The following ITPR2 variants were observed in gnomAD, a reference collection of about 807,000 sequenced individuals.
The protein encoded by ITPR2 is inositol 1,4,5-trisphosphate receptor type 2, also known as inositol 1,4,5-trisphosphate-gated calcium channel ITPR2.
ITPR2 carries 207 observed loss-of-function variants against 317.1 expected under a neutral mutation model. The ratio of observed to expected loss-of-function variants is 0.65; its 90% CI spans 0.58 to 0.73. The LOEUF is 0.73. Ranked by LOEUF, ITPR2 falls within the 30% of genes least tolerant of loss-of-function variation. The pLI is 0.00. For synonymous variants in ITPR2, 1,156 were observed against 1,149.1 expected, an observed-to-expected ratio of 1.01 and a Z score of -0.12; for missense variants, 2,613 against 3,284.0, an observed-to-expected ratio of 0.80 and a Z score of 4.99.
At chr12:26,579,499 T>A (rs1047082372) in intron 33 of ITPR2, among the ~76,000 whole-genome samples, 2 of 152,120 alleles carry the variant, frequency 1.3e-5, no homozygotes, top group African/African-American at 4.8e-5. Flanking sequence ...TGGCCTAATA[T>A]TACTTCATGT....
chr12:26,566,308 G>A (rs1188025155), intron 34 of ITPR2, among the ~76,000 whole-genome samples: 7 of 130,824 alleles, frequency 5.4e-5, no homozygotes, highest in Non-Finnish European at 8.2e-5. Context: ...GAGGGAGAGG[G>A]AAAAGAAGAG....
intron 13 of ITPR2, among the ~76,000 whole-genome samples, chr12:26,672,126 C>T (rs567762921): frequency 2.0e-5 from 3 of 152,292 alleles, no homozygotes; most frequent in South Asian, 2.1e-4. Context: ...CCACTGTCAA[C>T]ATTAGACAGA....
Position 26,340,080 on chromosome 12 carries a change from C to A in ITPR2, c.8019+87G>T, listed in dbSNP as rs564320480. 2.1e-4 allele frequency: 277 copies of A among 1,302,296 alleles called. 2 individuals carry two copies. The African/African-American group carries it at 3.4e-3, about 16-fold the overall frequency. 80.7% of individuals were successfully genotyped at this position (1,302,296 alleles called of 1,614,324 possible). ...GTTTGCAATTCTCTGTGGATAATGA[C>A]CTGGCTCCCTGGACCCTCTGTCTCC... On this transcript the variant is annotated intron_variant, in intron 56 of 56. Coordinates refer to ENST00000381340, the MANE Select transcript of ITPR2 (RefSeq NM_002223.4).
At chr12:26,556,150 A>C in intron 36 of ITPR2, 83 bp downstream of exon 36, 1 of 1,350,290 alleles carries the variant, frequency 7.4e-7, no homozygotes, top group East Asian at 2.5e-5. Flanking sequence ...CTGTCATTTT[A>C]TATCAGTGAA....
At chr12:26,493,651 T>C (rs1942861959) in intron 39 of ITPR2, among the ~76,000 whole-genome samples, 2 of 152,158 alleles carry the variant, frequency 1.3e-5, no homozygotes, top group Non-Finnish European at 2.9e-5. Context: ...ATTGTACACA[T>C]GTATCAAAAT....
chr12:26,508,669 G>A (rs1259617890), intron 37 of ITPR2, among the ~76,000 whole-genome samples: 1 of 152,112 alleles, frequency 6.6e-6, no homozygotes, highest in Non-Finnish European at 1.5e-5. Context: ...AAAAAAAGTT[G>A]CCCCTTGATA....
intron 37 of ITPR2, among the ~76,000 whole-genome samples, chr12:26,532,770 T>A (rs1190851054): frequency 2.0e-5 from 3 of 152,160 alleles, no homozygotes. Flanking sequence ...CACTGCAACC[T>A]TCACCTCCTG....
chr12:26,771,087 C>T (rs912606550), intron 2 of ITPR2, among the ~76,000 whole-genome samples: 2 of 152,098 alleles, frequency 1.3e-5, no homozygotes, highest in Non-Finnish European at 2.9e-5. Context: ...TAATCCAAGG[C>T]GATCTCATCT....
chr12:26,428,090 T>C lies in ITPR2; in HGVS notation c.6770-2A>G. ...CCGAGAACAATGGAGAAAGTGTACC[T>C]GTAAAATGTGGAAGAAATTTATTGC... On this transcript the variant is annotated splice_acceptor_variant, in intron 48 of 56. Coordinates refer to ENST00000381340, the MANE Select transcript of ITPR2 (RefSeq NM_002223.4). LOFTEE classifies it high-confidence loss of function. 6.3e-7 allele frequency: 1 copy of C among 1,577,902 alleles called. No homozygotes were observed. The highest frequency in any genetic ancestry group is 2.3e-5 in the East Asian group (1 of 44,222).
intron 32 of ITPR2, among the ~76,000 whole-genome samples, chr12:26,583,922 C>T (rs1201357195): frequency 6.6e-6 from 1 of 152,086 alleles, no homozygotes; most frequent in African/African-American, 2.4e-5. Context: ...TATTTGTCTT[C>T]TTCTACTTCC....
chr12:26,608,405 C>A (rs1359226527), intron 26 of ITPR2, among the ~76,000 whole-genome samples: 1 of 151,892 alleles, frequency 6.6e-6, no homozygotes, highest in Non-Finnish European at 1.5e-5. Flanking sequence ...TCTCCCCGGG[C>A]CCCCCACCGT....
At position 26,825,555 on chromosome 12, in the gene ITPR2, A is replaced by G. The variant is rs75027860; in HGVS notation, c.92+7135T>C. On this transcript the variant is annotated intron_variant, in intron 1 of 56. Coordinates refer to ENST00000381340, the MANE Select transcript of ITPR2 (RefSeq NM_002223.4). ...TCATTGTGAAAAGCGCTACCTGTGC[A>G]CAAAGAAAATGGCTCTGTTCCACCT... Among the ~76,000 whole-genome samples the G allele has an allele frequency of 8.5e-3, 1,295 of 152,184 alleles. 21 individuals are homozygous for G. The highest frequency in any genetic ancestry group is 0.03 in the African/African-American group (1,233 of 41,518).
intron 49 of ITPR2, among the ~76,000 whole-genome samples, chr12:26,425,640 T>G: frequency 7.1e-6 from 1 of 141,224 alleles, no homozygotes; most frequent in Admixed American, 7.4e-5. Context: ...TGCACTCCAG[T>G]GGGCGACAGA....
intron 2 of ITPR2, among the ~76,000 whole-genome samples, chr12:26,729,685 G>A (rs191605824): frequency 2.0e-5 from 3 of 152,196 alleles, no homozygotes; most frequent in African/African-American, 7.2e-5. Context: ...ATTATCCCTA[G>A]CAAGCTAGTG....
chr12:26,422,237 T>C lies in ITPR2; in HGVS notation c.6946-3024A>G, dbSNP rs190446499. On this transcript the variant is annotated intron_variant, in intron 49 of 56. Coordinates refer to ENST00000381340, the MANE Select transcript of ITPR2 (RefSeq NM_002223.4). ...AATTAGTTAAACTATGAAGTATATA[T>C]GAAAATACTACTTAATTATTTAACC... is the stretch of plus-strand genomic sequence containing the variant. 5.6e-3 allele frequency among the ~76,000 whole-genome samples: 839 copies of C among 150,538 alleles called. 29 individuals carry two copies. The highest frequency in any genetic ancestry group is 0.051 in the Admixed American group (772 of 15,040).
chr12:26,472,254 C>T (rs1942307608), intron 45 of ITPR2, among the ~76,000 whole-genome samples: 1 of 152,178 alleles, frequency 6.6e-6, no homozygotes, highest in Admixed American at 6.5e-5. Context: ...CATACCTATG[C>T]CCTCTTTGGG....
intron 33 of ITPR2, among the ~76,000 whole-genome samples, 157 bp from the exon 34 acceptor site, chr12:26,578,990 T>G (rs1382229527): frequency 6.6e-6 from 1 of 152,210 alleles, no homozygotes; most frequent in Non-Finnish European, 1.5e-5. Context: ...ATGAAACATT[T>G]ATTAGATACT....
intron 45 of ITPR2, among the ~76,000 whole-genome samples, chr12:26,470,446 G>A (rs1452527291): frequency 6.6e-6 from 1 of 152,122 alleles, no homozygotes. Flanking sequence ...CTGACAAAGA[G>A]TTATTATCCC....
chr12:26,773,579 A>G (rs1440454993), intron 2 of ITPR2, among the ~76,000 whole-genome samples: 1 of 152,218 alleles, frequency 6.6e-6, no homozygotes, highest in African/African-American at 2.4e-5. Context: ...AAAGCCACGA[A>G]TCACTCAAAA....
Sources: allele counts gnomAD v4.1 joint callset (sites outside exome capture counted in the v4.1 genomes callset), GRCh38; gene constraint gnomAD v4.1.1; transcripts MANE v1.5; gene names NCBI Gene and HGNC (gene_info 2026-07-23, HGNC 2026-07-21).